Variants in RAD51B observed in about 807,000 individuals in gnomAD.
RAD51B encodes RAD51 paralog B.
A neutral mutation model predicts 42.2 loss-of-function variants in RAD51B; 38 were observed. The observed-to-expected ratio is 0.90, with a 90% CI of 0.70 to 1.18. The LOEUF (loss-of-function observed/expected upper bound fraction) is 1.18, where lower values mean the gene tolerates loss of function less well. RAD51B is among the 50% of genes most tolerant of loss of function. RAD51B has a pLI of 0.00. For synonymous variants in RAD51B, 154 were observed against 145.2 expected (o/e 1.06, Z -0.43); for missense variants, 373 against 400.7 (o/e 0.93, Z 0.59).
chr14:67,837,560 C>T (rs925611029), intron 4 of RAD51B, among the ~76,000 whole-genome samples: 2 of 152,136 alleles, frequency 1.3e-5, no homozygotes, highest in Admixed American at 6.6e-5. Context: ...GTTCTAGCTA[C>T]AGGTAGCTTC....
intron 7 of RAD51B, among the ~76,000 whole-genome samples, chr14:68,020,362 CA>C (rs2075844490): frequency 6.6e-6 from 1 of 152,186 alleles, no homozygotes; most frequent in Admixed American, 6.5e-5. Context: ...CTGCCCATCT[CA>C]GCCTCCCAGA....
At chr14:68,127,935 T>G (rs2077805917) in intron 7 of RAD51B, among the ~76,000 whole-genome samples, 2 of 152,210 alleles carry the variant, frequency 1.3e-5, no homozygotes, top group South Asian at 4.1e-4. Flanking sequence ...GTGCTATACC[T>G]TCTATGCTGA....
At chr14:68,494,279 CA>C (rs3074525) in intron 10 of RAD51B, among the ~76,000 whole-genome samples, 16,546 of 122,920 alleles carry the variant, frequency 0.13, 1,138 homozygotes, top group East Asian at 0.52. Context: ...GATTCCGTCT[CA>C]AAAAAAAAAA....
chr14:68,596,640 G>A (rs140520548), downstream of RAD51B, among the ~76,000 whole-genome samples: 9 of 152,336 alleles, frequency 5.9e-5, no homozygotes, highest in East Asian at 1.7e-3. Context: ...GAAGGAAACA[G>A]CTGGGCTGCT....
chr14:67,886,342 A>G (rs1280422078), intron 6 of RAD51B, among the ~76,000 whole-genome samples: 3 of 152,150 alleles, frequency 2.0e-5, no homozygotes, highest in Non-Finnish European at 4.4e-5. Flanking sequence ...TTCTGGCTCA[A>G]TGTCGCTCAA....
chr14:67,919,610 A>G (rs1595107182), intron 7 of RAD51B, among the ~76,000 whole-genome samples: 1 of 152,092 alleles, frequency 6.6e-6, no homozygotes, highest in Non-Finnish European at 1.5e-5. Context: ...TTTGTTGGAT[A>G]TACTATATAA....
At chr14:68,425,975 T>TCTTTCTTTCTTTCTTCCTTCCTTCCTTC (rs1555407995) in intron 9 of RAD51B, among the ~76,000 whole-genome samples, 4 of 86,076 alleles carry the variant, frequency 4.6e-5, no homozygotes, top group Non-Finnish European at 9.9e-5. Flanking sequence ...TTTCTTTCTT[T>TCTTTCTTTCTTTCTTCCTTCCTTCCTTC]CTTCCTTCCT....
intron 7 of RAD51B, among the ~76,000 whole-genome samples, chr14:68,269,209 G>A (rs981261264): frequency 5.9e-5 from 9 of 152,374 alleles, no homozygotes; most frequent in African/African-American, 2.2e-4. Context: ...AAATGTTGGT[G>A]TTTGACTCCT....
At chr14:67,971,007 A>G (rs1595184767) in intron 7 of RAD51B, among the ~76,000 whole-genome samples, 1 of 152,224 alleles carries the variant, frequency 6.6e-6, no homozygotes, top group East Asian at 1.9e-4. Flanking sequence ...CTATTCTGTT[A>G]TGACATAAAA....
chr14:68,129,583 A>G (rs551634290), intron 7 of RAD51B, among the ~76,000 whole-genome samples: 1 of 152,280 alleles, frequency 6.6e-6, no homozygotes, highest in African/African-American at 2.4e-5. Context: ...AATTTTCTTA[A>G]ATACTATGAT....
chr14:68,659,038 G>T (rs1391102168), intron 11 of RAD51B, among the ~76,000 whole-genome samples: 2 of 152,182 alleles, frequency 1.3e-5, no homozygotes, highest in African/African-American at 4.8e-5. Context: ...ATGCCACCAA[G>T]CCCAAGACAA....
At chr14:67,819,916 C>G (rs184063792) in intron 1 of RAD51B, 63 bp downstream of exon 1, 1 of 152,158 alleles carries the variant, frequency 6.6e-6, no homozygotes, top group Non-Finnish European at 1.5e-5. Flanking sequence ...TTATTTCCTG[C>G]TCCTTCCCTA....
chr14:67,862,897 A>G (rs2042208586), intron 4 of RAD51B, among the ~76,000 whole-genome samples: 2 of 151,930 alleles, frequency 1.3e-5, no homozygotes, highest in Non-Finnish European at 1.5e-5. Context: ...TGTGTTTTAT[A>G]CTCTATAGGA....
At chr14:68,395,854 C>T (rs1195346890) in intron 8 of RAD51B, among the ~76,000 whole-genome samples, 1 of 152,184 alleles carries the variant, frequency 6.6e-6, no homozygotes, top group Non-Finnish European at 1.5e-5. Context: ...ATAATGATGA[C>T]AGAATCATTT....
chr14:68,241,477 G>A (rs2080385944), intron 7 of RAD51B, among the ~76,000 whole-genome samples: 1 of 152,182 alleles, frequency 6.6e-6, no homozygotes, highest in Admixed American at 6.5e-5. Flanking sequence ...AGGAGGCCGA[G>A]CTTGCAGTGA....
At chr14:68,422,336 G>A (rs1035648880) in intron 9 of RAD51B, 3 of 482,904 alleles carry the variant, frequency 6.2e-6, no homozygotes, top group African/African-American at 4.0e-5. Flanking sequence ...GCCGAGGCAG[G>A]TGGATCACGA....
chr14:68,520,567 C>G (rs548424204), intron 10 of RAD51B, among the ~76,000 whole-genome samples: 1 of 152,104 alleles, frequency 6.6e-6, no homozygotes, highest in Non-Finnish European at 1.5e-5. Context: ...AGGAAGAAAC[C>G]AAATAGCTCC....
intron 3 of RAD51B, 32 bp downstream of exon 3, chr14:67,825,609 G>A (rs2040803770): frequency 2.0e-6 from 3 of 1,488,146 alleles, no homozygotes; most frequent in Admixed American, 1.9e-5. Flanking sequence ...ATTTGATTAT[G>A]AATGATTCCT....
At chr14:68,610,255 C>A (rs932720593) in intron 10 of RAD51B, among the ~76,000 whole-genome samples, 2 of 152,208 alleles carry the variant, frequency 1.3e-5, no homozygotes, top group South Asian at 4.1e-4. Context: ...TGTCTCCCTG[C>A]ATGTCTGGTC....
Sources: allele counts gnomAD v4.1 joint callset (sites outside exome capture counted in the v4.1 genomes callset), GRCh38; gene constraint gnomAD v4.1.1; transcripts MANE v1.5; gene names NCBI Gene and HGNC (gene_info 2026-07-23, HGNC 2026-07-21).